JAML: variants seen among roughly 807,000 people sequenced by gnomAD.
The protein encoded by JAML is junctional adhesion molecule-like.
Under a neutral mutation model 39.3 loss-of-function variants are expected in JAML, and 25 were observed. That is an observed-to-expected ratio of 0.64 (90% confidence interval 0.46 to 0.89). The LOEUF is 0.89. Among genes scored for constraint, JAML ranks in the 40% least tolerant of loss-of-function variants. JAML has a pLI of 0.00. For synonymous variants in JAML, 162 were observed against 179.2 expected (o/e 0.90, Z 0.77); for missense variants, 440 against 486.9 (o/e 0.90, Z 0.91).
At chr11:118,203,395 T>A (rs1406949501) in intron 6 of JAML, 33 bp downstream of exon 6, 2 of 1,585,802 alleles carry the variant, frequency 1.3e-6, no homozygotes. Context: ...AGCCAGGAGG[T>A]CCCTCAATGC....
chr11:118,217,864 C>T (rs986728957), intron 1 of JAML, among the ~76,000 whole-genome samples: 3 of 152,218 alleles, frequency 2.0e-5, no homozygotes, highest in African/African-American at 7.2e-5. Flanking sequence ...ACACTATGCT[C>T]TTCCTCCACA....
In JAML at chr11:118,203,417, A is replaced by T; in HGVS notation, c.772+11T>A. On this transcript the variant is annotated intron_variant, in intron 6 of 9. Transcript: ENST00000356289. Reference sequence around the variant, plus strand: ...AGGTCCCTCAATGCTCCCCAGCCAAATGTTAGATACTTCGAGGCTCTTCCG... The same window carrying T: ...AGGTCCCTCAATGCTCCCCAGCCAATTGTTAGATACTTCGAGGCTCTTCCG... 1 of 1,611,806 alleles carries T rather than the reference A, an allele frequency of 6.2e-7. No homozygotes were observed. The highest frequency in any genetic ancestry group is 1.3e-5 in the African/African-American group (1 of 74,946).
intron 1 of JAML, among the ~76,000 whole-genome samples, chr11:118,224,690 C>T (rs951309369): frequency 4.6e-5 from 7 of 152,290 alleles, no homozygotes; most frequent in East Asian, 3.9e-4. Context: ...ATCATTGTCA[C>T]GTACTCTTAT....
intron 7 of JAML, among the ~76,000 whole-genome samples, chr11:118,198,468 G>A (rs1302366625): frequency 6.6e-6 from 1 of 152,036 alleles, no homozygotes; most frequent in African/African-American, 2.4e-5. Context: ...AAACCAGCAG[G>A]GGGCAGCAGG....
At chr11:118,211,228 G>A (rs1366870385) in intron 3 of JAML, among the ~76,000 whole-genome samples, 1 of 152,112 alleles carries the variant, frequency 6.6e-6, no homozygotes, top group Non-Finnish European at 1.5e-5. Context: ...TCCAGGCTGG[G>A]CCCTGGGGAA....
chr11:118,218,023 C>G (rs192887322), intron 1 of JAML, among the ~76,000 whole-genome samples: 22 of 152,356 alleles, frequency 1.4e-4, no homozygotes, highest in African/African-American at 5.3e-4. Context: ...GCTCACATCT[C>G]AAGTTAAATA....
intron 1 of JAML, among the ~76,000 whole-genome samples, chr11:118,223,094 C>CAAAAAA (rs56175225): frequency 3.2e-5 from 3 of 93,192 alleles, no homozygotes; most frequent in African/African-American, 8.2e-5. Context: ...GACTCTGTCT[C>CAAAAAA]AAAAAAAAAA....
intron 1 of JAML, among the ~76,000 whole-genome samples, chr11:118,215,240 A>G (rs949394652): frequency 2.6e-5 from 4 of 152,228 alleles, no homozygotes; most frequent in African/African-American, 9.6e-5. Flanking sequence ...AAATGATTGC[A>G]GGATGCCCTT....
At chr11:118,210,123 A>T (rs1949017284) in intron 4 of JAML, among the ~76,000 whole-genome samples, 1 of 152,224 alleles carries the variant, frequency 6.6e-6, no homozygotes, top group Non-Finnish European at 1.5e-5. Flanking sequence ...GAAAGGTATT[A>T]GGGCATAGTA....
At chr11:118,212,686 G>A (rs1248247832) in intron 2 of JAML, 125 bp from the exon 3 acceptor site, 10 of 1,505,248 alleles carry the variant, frequency 6.6e-6, no homozygotes, top group African/African-American at 4.2e-5. Flanking sequence ...CAAAGTCCTC[G>A]GAGGCATGTT....
chr11:118,218,552 C>T (rs1204887585), intron 1 of JAML, among the ~76,000 whole-genome samples: 2 of 152,206 alleles, frequency 1.3e-5, no homozygotes, highest in South Asian at 2.1e-4. Context: ...CCATGAGCCA[C>T]CACACTTCCA....
At chr11:118,216,310 A>G (rs564316531) in intron 1 of JAML, among the ~76,000 whole-genome samples, 1 of 151,700 alleles carries the variant, frequency 6.6e-6, no homozygotes, top group Non-Finnish European at 1.5e-5. Context: ...CGGAGCTTGC[A>G]GTGAGCCGAG....
chr11:118,203,103 G>A (rs1038048218), intron 6 of JAML: 24 of 508,410 alleles, frequency 4.7e-5, no homozygotes, highest in Middle Eastern at 2.9e-4. Flanking sequence ...CATCAACTCC[G>A]ATCCTTCCCT....
intron 2 of JAML, among the ~76,000 whole-genome samples, chr11:118,214,210 A>T (rs1949110734): frequency 6.6e-6 from 1 of 152,218 alleles, no homozygotes; most frequent in Non-Finnish European, 1.5e-5. Context: ...AGCAACGAGA[A>T]GCTCAGCACT....
chr11:118,195,446 A>G (rs1481890352), intron 9 of JAML, among the ~76,000 whole-genome samples: 1 of 151,940 alleles, frequency 6.6e-6, no homozygotes, highest in Non-Finnish European at 1.5e-5. Context: ...GCCTTCCCAA[A>G]CCCACAGAAC....
intron 4 of JAML, chr11:118,209,240 C>T (rs1307161267): frequency 4.8e-6 from 1 of 209,810 alleles, no homozygotes; most frequent in Non-Finnish European, 9.6e-6. Flanking sequence ...ACTCGGGCCA[C>T]CACAGCTTAT....
rs927411613 is a variant in JAML at position 118,203,786 on chromosome 11, A to G, written c.535-121T>C. The G allele has an allele frequency of 4.0e-5, 31 of 783,470 alleles. No homozygotes were observed. The East Asian group carries it at 7.2e-4, about 18-fold the overall frequency. The allele number at this position is 783,470 out of a possible 1,614,324, so 48.5% of individuals were successfully genotyped here. On this transcript the variant is annotated intron_variant, in intron 5 of 9. Transcript: ENST00000356289. ...CCTGCTAGGTGAAGGCAGTAAGGGT[A>G]TTATCAGAAAGCATTAAATAACACA...
Position 118,213,018 on chromosome 11 carries a change from C to A in JAML, c.44-457G>T, listed in dbSNP as rs1478064761. 2.5e-6 allele frequency: 4 copies of A among 1,610,758 alleles called. No individual in the cohort carries two copies. In the East Asian group the frequency reaches 6.7e-5, roughly 27 times the overall value. Reference sequence around the variant, plus strand: ...TCCTCTTTTCCCTTTCTTTTAGTTCCTTTACAAAAGCATTTGCTGGCTGAT... The same window carrying A: ...TCCTCTTTTCCCTTTCTTTTAGTTCATTTACAAAAGCATTTGCTGGCTGAT... On this transcript the variant is annotated intron_variant, in intron 2 of 9. Transcript: ENST00000356289.
At chr11:118,194,512 C>A in intron 9 of JAML, 95 bp from the exon 10 acceptor site, 1 of 939,852 alleles carries the variant, frequency 1.1e-6, no homozygotes. Context: ...CTCATGAGCC[C>A]GGCCCAGTAC....
Sources: allele counts gnomAD v4.1 joint callset (sites outside exome capture counted in the v4.1 genomes callset), GRCh38; gene constraint gnomAD v4.1.1; transcripts MANE v1.5; gene names NCBI Gene and HGNC (gene_info 2026-07-23, HGNC 2026-07-21).